Variants in ZFAT observed in about 807,000 individuals in gnomAD.
ZFAT encodes zinc finger and AT-hook domain containing.
A neutral mutation model predicts 117.7 loss-of-function variants in ZFAT; 64 were observed. The ratio of observed to expected loss-of-function variants is 0.54; its 90% CI spans 0.44 to 0.67. The LOEUF (loss-of-function observed/expected upper bound fraction) is 0.67, where lower values mean the gene tolerates loss of function less well. Ranked by LOEUF, ZFAT falls within the 30% of genes least tolerant of loss-of-function variation. The pLI, the probability that ZFAT is intolerant of heterozygous loss-of-function variation, is 0.00. For synonymous variants in ZFAT, 679 were observed against 615.0 expected (o/e 1.10, Z -1.54); for missense variants, 1,433 against 1,584.5 (o/e 0.90, Z 1.62).
intron 2 of ZFAT, among the ~76,000 whole-genome samples, 193 bp downstream of exon 2, chr8:134,657,368 T>C (rs187332455): frequency 6.6e-6 from 1 of 152,330 alleles, no homozygotes; most frequent in African/African-American, 2.4e-5. Context: ...CATTCATTCA[T>C]TTGCCAACCT....
chr8:134,818,545 T>C, the ZFAT span, among the ~76,000 whole-genome samples: 1 of 152,284 alleles, frequency 6.6e-6, no homozygotes, highest in Non-Finnish European at 1.5e-5. Context: ...AGAAACTAGG[T>C]AGGTATAGAA....
intron 13 of ZFAT, among the ~76,000 whole-genome samples, chr8:134,513,356 C>T (rs1586619676): frequency 2.0e-5 from 3 of 152,290 alleles, no homozygotes; most frequent in Admixed American, 2.0e-4. Context: ...CACCACCACA[C>T]CTAGCTAATT....
chr8:134,669,717 A>C (rs1291757611), intron 1 of ZFAT, among the ~76,000 whole-genome samples: 1 of 152,222 alleles, frequency 6.6e-6, no homozygotes, highest in Non-Finnish European at 1.5e-5. Context: ...TAACCAGCTA[A>C]CATCATTATG....
chr8:134,550,310 G>GAAAA (rs10680896), intron 11 of ZFAT, among the ~76,000 whole-genome samples: 70 of 72,460 alleles, frequency 9.7e-4, no homozygotes, highest in East Asian at 1.5e-3. Context: ...GGTCACAACG[G>GAAAA]AAAAAAAAAA....
At chr8:134,596,740 A>G in intron 7 of ZFAT, among the ~76,000 whole-genome samples, 1 of 152,224 alleles carries the variant, frequency 6.6e-6, no homozygotes, top group Non-Finnish European at 1.5e-5. Context: ...GAATTAAGTG[A>G]CAGAAATGAG....
chr8:134,677,801 A>G (rs7816301), intron 1 of ZFAT, among the ~76,000 whole-genome samples: 52,805 of 152,124 alleles, frequency 0.35, 9,533 homozygotes, highest in South Asian at 0.43. Flanking sequence ...CAACATACGT[A>G]AATAAATAAA....
Position 134,552,588 on chromosome 8 carries a change from T to C in ZFAT, c.2976+12745A>G, listed in dbSNP as rs115561887. Among the ~76,000 whole-genome samples the C allele has an allele frequency of 7.5e-3, 1,136 of 152,340 alleles. 24 individuals are homozygous for C. Among genetic ancestry groups the C allele is most frequent in the African/African-American group, 0.026 (1,081 of 41,574 alleles). ...TACATCAAACATAAACTTTAAATAG[T>C]GTCTTTTCAAGATGATGGCGTGGAT... On this transcript the variant is annotated intron_variant, in intron 11 of 15. Coordinates refer to ENST00000377838, the MANE Select transcript of ZFAT (RefSeq NM_020863.4).
chr8:134,601,346 A>G, intron 6 of ZFAT, 131 bp downstream of exon 6: 3 of 1,350,982 alleles, frequency 2.2e-6, no homozygotes, highest in Non-Finnish European at 3.0e-6. Context: ...CACCGTTCCT[A>G]TCTACAATGG....
At chr8:134,806,131 TAC>T in the ZFAT span, among the ~76,000 whole-genome samples, 6 of 152,312 alleles carry the variant, frequency 3.9e-5, no homozygotes, top group African/African-American at 9.6e-5. Context: ...CATGCATATG[TAC>T]ACACACACTC....
intron 1 of ZFAT, among the ~76,000 whole-genome samples, chr8:134,704,171 G>A (rs1834086889): frequency 6.6e-6 from 1 of 152,132 alleles, no homozygotes; most frequent in African/African-American, 2.4e-5. Flanking sequence ...TTCCCTGTGG[G>A]GCTCTCTCCC....
chr8:134,580,901 G>T (rs773132302), intron 10 of ZFAT, among the ~76,000 whole-genome samples: 1 of 152,120 alleles, frequency 6.6e-6, no homozygotes, highest in Non-Finnish European at 1.5e-5. Flanking sequence ...GCCCCAAACT[G>T]AGGAAGGTTT....
At chr8:134,677,992 T>C (rs1832887194) in intron 1 of ZFAT, among the ~76,000 whole-genome samples, 1 of 152,190 alleles carries the variant, frequency 6.6e-6, no homozygotes, top group Non-Finnish European at 1.5e-5. Flanking sequence ...GCCAATATCG[T>C]ATTGAATGGG....
At chr8:134,707,699 C>T (rs2131367448) in intron 1 of ZFAT, among the ~76,000 whole-genome samples, 1 of 152,350 alleles carries the variant, frequency 6.6e-6, no homozygotes, top group South Asian at 2.1e-4. Flanking sequence ...CTGCCCCTTT[C>T]TTATTCAGAC....
intron 7 of ZFAT, among the ~76,000 whole-genome samples, chr8:134,592,851 C>A (rs1417996787): frequency 6.6e-6 from 1 of 152,216 alleles, no homozygotes; most frequent in African/African-American, 2.4e-5. Flanking sequence ...ACCAAACCAA[C>A]CAAAAGTCCT....
At chr8:134,590,378 C>A (rs1453110711) in intron 7 of ZFAT, 23 bp from the exon 8 acceptor site, 3 of 1,568,670 alleles carry the variant, frequency 1.9e-6, no homozygotes, top group Non-Finnish European at 2.6e-6. Flanking sequence ...AGAACATAAT[C>A]AGTTGACTTT....
chr8:134,612,849 G>A (rs16905197), intron 3 of ZFAT, among the ~76,000 whole-genome samples: 45,636 of 152,088 alleles, frequency 0.3, 7,130 homozygotes, highest in East Asian at 0.53. Flanking sequence ...CTATAAAGCC[G>A]GAGAATGAGG....
intron 9 of ZFAT, among the ~76,000 whole-genome samples, chr8:134,587,460 G>C (rs183943383): frequency 3.3e-4 from 50 of 152,170 alleles, no homozygotes; most frequent in African/African-American, 1.2e-3. Flanking sequence ...CCATATTATA[G>C]AAAATACTTC....
chr8:134,680,354 A>G (rs768028778), intron 1 of ZFAT, among the ~76,000 whole-genome samples: 16 of 152,272 alleles, frequency 1.1e-4, no homozygotes, highest in Non-Finnish European at 2.2e-4. Context: ...CTAGAGCATA[A>G]TAATTGGATT....
the ZFAT span, among the ~76,000 whole-genome samples, chr8:134,747,107 G>C: frequency 2.0e-5 from 3 of 150,318 alleles, no homozygotes; most frequent in Non-Finnish European, 4.4e-5. Flanking sequence ...TTTTCTTTTT[G>C]AGATAGGGTC....
Sources: allele counts gnomAD v4.1 joint callset (sites outside exome capture counted in the v4.1 genomes callset), GRCh38; gene constraint gnomAD v4.1.1; transcripts MANE v1.5; gene names NCBI Gene and HGNC (gene_info 2026-07-23, HGNC 2026-07-21).